Variants in FHIT observed in about 807,000 individuals in gnomAD.
The protein encoded by FHIT is fragile histidine triad diadenosine triphosphatase.
In FHIT, 19 loss-of-function variants were observed where a neutral mutation model predicts 17.9. The observed-to-expected ratio is 1.06, with a 90% CI of 0.74 to 1.56. FHIT has a LOEUF of 1.56. Ranked by LOEUF, FHIT falls within the 40% of genes most tolerant of loss-of-function variation. The pLI is 0.00. For missense variants in FHIT, 248 were observed against 189.2 expected (o/e 1.31, Z -1.82); for synonymous variants, 81 against 69.7 (o/e 1.16, Z -0.81).
chr3:61,089,278 T>A (rs1009894245), intron 2 of FHIT, among the ~76,000 whole-genome samples: 2 of 152,200 alleles, frequency 1.3e-5, no homozygotes, highest in Non-Finnish European at 2.9e-5. Flanking sequence ...AGTGTACAGT[T>A]TTGTGGCATT....
At chr3:59,759,742 G>C (rs1559579315) in intron 8 of FHIT, among the ~76,000 whole-genome samples, 1 of 151,974 alleles carries the variant, frequency 6.6e-6, no homozygotes, top group Non-Finnish European at 1.5e-5. Context: ...GCCAGACATG[G>C]AGCTTCCTTT....
intron 5 of FHIT, among the ~76,000 whole-genome samples, chr3:60,123,351 C>G (rs1480822341): frequency 1.3e-4 from 20 of 152,094 alleles, no homozygotes. Context: ...ATATGGTTGG[C>G]TCATTTGCTG....
intron 5 of FHIT, among the ~76,000 whole-genome samples, chr3:60,069,033 T>C (rs1363726792): frequency 2.0e-5 from 3 of 152,112 alleles, no homozygotes; most frequent in Admixed American, 6.5e-5. Flanking sequence ...GTAATTGCTA[T>C]CCTAAGGACA....
chr3:61,077,453 C>A (rs1412894335), intron 2 of FHIT, among the ~76,000 whole-genome samples: 1 of 151,608 alleles, frequency 6.6e-6, no homozygotes, highest in Admixed American at 6.6e-5. Flanking sequence ...GCCTTCAAGT[C>A]AATTATTAAA....
intron 5 of FHIT, among the ~76,000 whole-genome samples, chr3:60,498,884 C>G (rs2034410251): frequency 6.6e-6 from 1 of 152,078 alleles, no homozygotes; most frequent in South Asian, 2.1e-4. Context: ...CCAAGATTTT[C>G]TAAGGGTATT....
At chr3:60,130,826 G>GTGTGTAT (rs1199459927) in intron 5 of FHIT, among the ~76,000 whole-genome samples, 1 of 75,560 alleles carries the variant, frequency 1.3e-5, no homozygotes, top group African/African-American at 4.1e-5. Flanking sequence ...TGTGTGTATA[G>GTGTGTAT]GTGTGTACAT....
intron 5 of FHIT, among the ~76,000 whole-genome samples, chr3:60,214,162 T>C (rs907177013): frequency 6.6e-6 from 1 of 152,206 alleles, no homozygotes; most frequent in Admixed American, 6.5e-5. Flanking sequence ...GAGAGTTTCA[T>C]ATTTTTCATT....
intron 3 of FHIT, among the ~76,000 whole-genome samples, chr3:60,952,714 C>T (rs1039299646): frequency 6.6e-6 from 1 of 152,136 alleles, no homozygotes; most frequent in Admixed American, 6.5e-5. Flanking sequence ...AGACGTCCAG[C>T]TATACCAGAA....
At chr3:60,661,113 G>C (rs1236357788) in intron 4 of FHIT, among the ~76,000 whole-genome samples, 2 of 151,842 alleles carry the variant, frequency 1.3e-5, no homozygotes, top group South Asian at 4.2e-4. Context: ...TACATGAATA[G>C]GTTCTTTAGC....
At chr3:60,560,654 G>A (rs975513257) in intron 4 of FHIT, among the ~76,000 whole-genome samples, 11 of 151,998 alleles carry the variant, frequency 7.2e-5, no homozygotes, top group African/African-American at 1.4e-4. Flanking sequence ...CTTGCCATAT[G>A]GAGACTGATG....
chr3:61,038,597 T>G (rs1432716622), intron 3 of FHIT, among the ~76,000 whole-genome samples: 1 of 152,210 alleles, frequency 6.6e-6, no homozygotes, highest in Non-Finnish European at 1.5e-5. Context: ...TTATATTGCT[T>G]GATATAATAA....
At chr3:60,533,113 C>A (rs545048442) in intron 5 of FHIT, among the ~76,000 whole-genome samples, 2 of 152,166 alleles carry the variant, frequency 1.3e-5, no homozygotes, top group African/African-American at 2.4e-5. Flanking sequence ...AATTCATTCA[C>A]TGCTTTTAGA....
chr3:60,927,189 C>A (rs560902850), intron 3 of FHIT, among the ~76,000 whole-genome samples: 36 of 152,120 alleles, frequency 2.4e-4, no homozygotes, highest in Admixed American at 1.8e-3. Flanking sequence ...TTGGTGGAGA[C>A]GGGGTTTCGC....
chr3:60,324,649 G>A (rs996583389), intron 5 of FHIT, among the ~76,000 whole-genome samples: 8 of 151,784 alleles, frequency 5.3e-5, no homozygotes, highest in Non-Finnish European at 1.0e-4. Context: ...AGGAGCTAAA[G>A]TGTTATGCTA....
At chr3:60,145,319 TGTAAATTATGTACAA>T (rs1700196392) in intron 5 of FHIT, among the ~76,000 whole-genome samples, 3 of 152,222 alleles carry the variant, frequency 2.0e-5, no homozygotes, top group Non-Finnish European at 4.4e-5. Context: ...TCACATTATA[TGTAAATTATGTACAA>T]GCTTCACCAC....
chr3:60,050,177 T>C (rs141002189), intron 5 of FHIT, among the ~76,000 whole-genome samples: 278 of 152,324 alleles, frequency 1.8e-3, no homozygotes, highest in African/African-American at 5.1e-3. Flanking sequence ...TATAAATCTC[T>C]TGTCCACTGT....
In FHIT at chr3:60,591,398, G is replaced by A. The variant is rs555097683; in HGVS notation, c.-17-54419C>T. ...GATGATGGACTTAACAGACTGAGAC[G>A]TATTTTCCTTCCTTGGTGTTTACAT... is the stretch of plus-strand genomic sequence containing the variant. On this transcript the variant is annotated intron_variant, in intron 4 of 9. Coordinates refer to ENST00000492590, the MANE Select transcript of FHIT (RefSeq NM_002012.4). Among the ~76,000 whole-genome samples the A allele has an allele frequency of 6.0e-5, 9 of 151,016 alleles. No homozygotes were observed. In the South Asian group the frequency reaches 8.4e-4, roughly 14 times the overall value.
intron 2 of FHIT, among the ~76,000 whole-genome samples, chr3:61,193,084 T>G (rs573484572): frequency 1.3e-5 from 2 of 152,196 alleles, no homozygotes; most frequent in Non-Finnish European, 2.9e-5. Flanking sequence ...CATTAAAGAC[T>G]TTTCTTTTTC....
At chr3:60,896,158 C>G (rs1705810259) in intron 3 of FHIT, among the ~76,000 whole-genome samples, 1 of 152,056 alleles carries the variant, frequency 6.6e-6, no homozygotes, top group Non-Finnish European at 1.5e-5. Context: ...CAGTTTCATC[C>G]TGAAACTATC....
Sources: gnomAD v4.1 joint callset for allele counts (sites outside exome capture counted in the v4.1 genomes callset) on GRCh38, gnomAD v4.1.1 for gene constraint, MANE v1.5 for transcripts, NCBI Gene and HGNC (gene_info 2026-07-23, HGNC 2026-07-21) for gene names.